The following ARHGAP32 variants were observed in gnomAD, a reference collection of about 807,000 sequenced individuals.
ARHGAP32 encodes Rho GTPase activating protein 32, also known as rho GTPase-activating protein 32.
Under a neutral mutation model 186.5 loss-of-function variants are expected in ARHGAP32, and 51 were observed. The observed-to-expected ratio is 0.27, with a 90% CI of 0.22 to 0.35. ARHGAP32 has a LOEUF of 0.35. Ranked by LOEUF, ARHGAP32 falls within the 10% of genes least tolerant of loss-of-function variation. The pLI is 1.00. For missense variants in ARHGAP32, 2,186 were observed against 2,623.5 expected (o/e 0.83, Z 3.64); for synonymous variants, 950 against 964.3 (o/e 0.99, Z 0.27).
chr11:129,147,938 AACT>A (rs1389142183), intron 2 of ARHGAP32, among the ~76,000 whole-genome samples: 1 of 152,218 alleles, frequency 6.6e-6, no homozygotes, highest in Non-Finnish European at 1.5e-5. Context: ...ATTACTATTC[AACT>A]AGATTAATAC....
chr11:129,022,661 T>C (rs1320699449), intron 11 of ARHGAP32, among the ~76,000 whole-genome samples: 3 of 152,152 alleles, frequency 2.0e-5, no homozygotes, highest in African/African-American at 7.2e-5. Context: ...CAATAGGAGC[T>C]ATTATTACTA....
chr11:129,047,008 G>GTCCCA (rs1447867588), intron 10 of ARHGAP32, among the ~76,000 whole-genome samples: 1 of 151,744 alleles, frequency 6.6e-6, no homozygotes, highest in African/African-American at 2.4e-5. Context: ...GGTGCCTGTA[G>GTCCCA]TCCCAGCTAC....
At chr11:129,044,606 G>T (rs555450291) in intron 10 of ARHGAP32, among the ~76,000 whole-genome samples, 8 of 152,246 alleles carry the variant, frequency 5.3e-5, no homozygotes, top group Non-Finnish European at 1.0e-4. Context: ...TACACAAAAT[G>T]CCACCTTTTG....
chr11:129,107,191 G>A (rs1942071149), intron 5 of ARHGAP32, among the ~76,000 whole-genome samples: 1 of 152,154 alleles, frequency 6.6e-6, no homozygotes, highest in South Asian at 2.1e-4. Flanking sequence ...TAGTCAACTA[G>A]CAATCCTATA....
chr11:129,003,422 CTCT>C (rs1265919351), intron 11 of ARHGAP32, among the ~76,000 whole-genome samples: 1 of 152,184 alleles, frequency 6.6e-6, no homozygotes, highest in Non-Finnish European at 1.5e-5. Flanking sequence ...GTACTCTCTC[CTCT>C]ATTTTCTGAA....
chr11:129,036,864 C>T (rs527820790), intron 11 of ARHGAP32, among the ~76,000 whole-genome samples: 5 of 152,230 alleles, frequency 3.3e-5, no homozygotes, highest in South Asian at 2.1e-4. Flanking sequence ...GAGGTTCTCA[C>T]AAGGACCACT....
At chr11:128,995,698 G>A (rs1198042322) in intron 12 of ARHGAP32, among the ~76,000 whole-genome samples, 1 of 152,188 alleles carries the variant, frequency 6.6e-6, no homozygotes, top group Non-Finnish European at 1.5e-5. Context: ...AATTAGCTGG[G>A]TGTGGTGGTG....
Position 129,064,863 on chromosome 11 carries a change from C to G in ARHGAP32, c.740G>C (p.Gly247Ala). Residue 247 changes from glycine (G) to alanine (A), a missense_variant, in exon 8 of 23, where the codon GGG becomes GCG. Physicochemically the swap from Gly to Ala is moderately conservative, Grantham distance 60 (BLOSUM62 0). This residue lies in a region of ARHGAP32 where 308 missense variants were observed against 596.5 expected (regional missense o/e 0.52). Coordinates refer to ENST00000682385, the MANE Select transcript of ARHGAP32 (RefSeq NM_001378024.1). ...TACCTCCATCCAGGTAAGGGCGGGC[C>G]CACAGTTGATCTTGTTGCCAGCGAT... ...SAIAGNKINC[G>A]PALTWMEIDN... is the part of the protein sequence containing the mutation. 6.3e-7 allele frequency: 1 copy of G among 1,597,742 alleles called. No individual in the cohort carries two copies. The highest frequency in any genetic ancestry group is 8.5e-7 in the Non-Finnish European group (1 of 1,172,016).
intron 2 of ARHGAP32, among the ~76,000 whole-genome samples, chr11:129,136,198 T>C (rs1942932862): frequency 6.6e-6 from 1 of 152,028 alleles, no homozygotes; most frequent in Non-Finnish European, 1.5e-5. Context: ...ATCTCAAGGG[T>C]CAATAAGAAT....
intron 5 of ARHGAP32, among the ~76,000 whole-genome samples, chr11:129,122,933 T>C (rs626999): frequency 0.71 from 108,494 of 151,998 alleles, 39,062 homozygotes; most frequent in South Asian, 0.83. Flanking sequence ...CACATTAATA[T>C]ATATATAATG....
chr11:128,971,219 A>G, intron 22 of ARHGAP32, 60 bp from the exon 23 acceptor site: 5 of 1,428,992 alleles, frequency 3.5e-6, no homozygotes, highest in Non-Finnish European at 4.7e-6. Context: ...ATCAAGTACT[A>G]TTAAATTTGT....
At chr11:129,193,481 CAAAAA>C (rs1204964930), upstream of ARHGAP32, among the ~76,000 whole-genome samples, 12 of 26,028 alleles carry the variant, frequency 4.6e-4, no homozygotes, top group Non-Finnish European at 7.3e-4. Context: ...GACCCTGTCT[CAAAAA>C]AAAAAAAAAA....
chr11:129,090,140 T>G (rs1460524622), intron 6 of ARHGAP32, among the ~76,000 whole-genome samples: 1 of 152,230 alleles, frequency 6.6e-6, no homozygotes, highest in Non-Finnish European at 1.5e-5. Flanking sequence ...CCTGGCAATC[T>G]GCCTATATAT....
intron 1 of ARHGAP32, among the ~76,000 whole-genome samples, chr11:129,179,895 G>T (rs1022504045): frequency 2.0e-5 from 3 of 152,042 alleles, no homozygotes; most frequent in African/African-American, 7.2e-5. Flanking sequence ...GTATACGTAT[G>T]TAACTAACCT....
In ARHGAP32 at chr11:129,062,316, C is replaced by A. The variant is rs1184596407; in HGVS notation, c.927G>T (p.Val309=). The change falls in exon 10 of 23, where the codon GTG becomes GTT. Residue 309 remains valine, a synonymous_variant. Coordinates refer to ENST00000682385, the MANE Select transcript of ARHGAP32 (RefSeq NM_001378024.1). ...IVSVIDMPPK[V]LSTWWRGKHG... is the part of the protein sequence containing the mutation. ...GCTTGCCTCTCCACCATGTGCTTAA[C>A]ACTTTCGGGGGCATGTCAATAACAG... 7 of 1,613,622 alleles carry A rather than the reference C, an allele frequency of 4.3e-6. No homozygotes were observed. The highest frequency in any genetic ancestry group is 2.7e-5 in the African/African-American group (2 of 74,884).
chr11:128,979,322 T>C (rs992826489), intron 18 of ARHGAP32, among the ~76,000 whole-genome samples: 2 of 152,092 alleles, frequency 1.3e-5, no homozygotes, highest in African/African-American at 4.8e-5. Flanking sequence ...TTAAGAATAA[T>C]AACAAACATA....
intron 2 of ARHGAP32, among the ~76,000 whole-genome samples, chr11:129,145,671 C>CTTAA (rs1239677998): frequency 6.6e-6 from 1 of 152,118 alleles, no homozygotes; most frequent in Non-Finnish European, 1.5e-5. Flanking sequence ...TAGTCACATG[C>CTTAA]TTAAGCATTG....
intron 1 of ARHGAP32, among the ~76,000 whole-genome samples, chr11:129,256,352 A>G (rs1945254283): frequency 6.6e-6 from 1 of 152,166 alleles, no homozygotes; most frequent in Non-Finnish European, 1.5e-5. Flanking sequence ...GTATGGAGGG[A>G]GATAAGGTCA....
chr11:129,159,569 G>A (rs1943485351), intron 2 of ARHGAP32, among the ~76,000 whole-genome samples: 1 of 151,704 alleles, frequency 6.6e-6, no homozygotes, highest in Non-Finnish European at 1.5e-5. Context: ...AATTGAGGCA[G>A]TAATTAATAG....
Sources: gnomAD v4.1 joint callset for allele counts (sites outside exome capture counted in the v4.1 genomes callset) on GRCh38, gnomAD v4.1.1 for gene constraint, gnomAD v4.1.1 regional missense constraint, MANE v1.5 for transcripts, NCBI Gene and HGNC (gene_info 2026-07-23, HGNC 2026-07-21) for gene names.